The following RASSF3 variants were observed in gnomAD, a reference collection of about 807,000 sequenced individuals.
RASSF3 encodes the protein ras association domain-containing protein 3.
A neutral mutation model predicts 19.9 loss-of-function variants in RASSF3; 19 were observed. The observed-to-expected ratio is 0.96, with a 90% CI of 0.67 to 1.40. The LOEUF (loss-of-function observed/expected upper bound fraction) is 1.40, where lower values mean the gene tolerates loss of function less well. RASSF3 is among the 40% of genes most tolerant of loss of function. The probability of loss-of-function intolerance (pLI) is 0.00; values close to 1 mark genes in which losing one functional copy is unlikely to be tolerated. For synonymous variants in RASSF3, 110 were observed against 104.2 expected (o/e 1.06, Z -0.34); for missense variants, 306 against 289.8 (o/e 1.06, Z -0.41).
chr12:64,552,798 C>T (rs1869187375), intron 2 of RASSF3, among the ~76,000 whole-genome samples: 1 of 152,090 alleles, frequency 6.6e-6, no homozygotes, highest in Non-Finnish European at 1.5e-5. Context: ...TGGGTTGATT[C>T]TATCCTTATT....
intron 1 of RASSF3, among the ~76,000 whole-genome samples, chr12:64,535,274 C>T (rs7312168): frequency 0.33 from 50,013 of 151,536 alleles, 10,263 homozygotes; most frequent in East Asian, 0.66. Context: ...TGCAATCATG[C>T]CACTGCACTC....
intron 1 of RASSF3, among the ~76,000 whole-genome samples, chr12:64,516,942 T>TGA (rs1469579264): frequency 7.5e-6 from 1 of 133,838 alleles, no homozygotes. Context: ...GAGGTTGCAG[T>TGA]GAGTCTAAAT....
chr12:64,654,771 A>C (rs1872097762), intron 1 of RASSF3: 1 of 152,102 alleles, frequency 6.6e-6, no homozygotes, highest in Non-Finnish European at 1.5e-5. Context: ...AGGCCTTGGC[A>C]TGAGGATCCC....
intron 2 of RASSF3, among the ~76,000 whole-genome samples, chr12:64,553,398 T>C (rs554042031): frequency 9.2e-5 from 14 of 152,282 alleles, no homozygotes; most frequent in African/African-American, 3.1e-4. Context: ...AGTTTGCCAA[T>C]TGTGGTACTG....
chr12:64,681,842 A>G (rs1250746747), intron 1 of RASSF3, among the ~76,000 whole-genome samples: 2 of 152,148 alleles, frequency 1.3e-5, no homozygotes, highest in African/African-American at 4.8e-5. Flanking sequence ...GCCAGACGTC[A>G]TCTGTACAAA....
intron 2 of RASSF3, among the ~76,000 whole-genome samples, chr12:64,577,642 G>T (rs886716069): frequency 1.3e-5 from 2 of 152,152 alleles, no homozygotes; most frequent in Non-Finnish European, 2.9e-5. Flanking sequence ...TGAGGCACAA[G>T]AATCTCTTGA....
chr12:64,508,838 A>G (rs1868308660), intron 1 of RASSF3, among the ~76,000 whole-genome samples: 1 of 152,082 alleles, frequency 6.6e-6, no homozygotes, highest in Admixed American at 6.5e-5. Context: ...GTGAGCCGAG[A>G]TTGTGCGATT....
intron 1 of RASSF3, among the ~76,000 whole-genome samples, chr12:64,612,249 CTTTCA>C (rs2136154171): frequency 6.6e-6 from 1 of 152,150 alleles, no homozygotes; most frequent in Non-Finnish European, 1.5e-5. Flanking sequence ...GCATTTTCTC[CTTTCA>C]TTTATGTTGC....
At chr12:64,594,978 GACACACACACAGACACACAC>G (rs1357029830) in intron 2 of RASSF3, among the ~76,000 whole-genome samples, 1 of 148,242 alleles carries the variant, frequency 6.7e-6, no homozygotes, top group Non-Finnish European at 1.5e-5. Flanking sequence ...CAAAGACACA[GACACACACACAGACACACAC>G]ACACATGCAC....
intron 2 of RASSF3, among the ~76,000 whole-genome samples, chr12:64,588,089 C>CT (rs1456129811): frequency 3.3e-5 from 5 of 151,370 alleles, no homozygotes; most frequent in African/African-American, 4.8e-5. Flanking sequence ...CCCCCACAAC[C>CT]TTTTTTTTTG....
In RASSF3 at chr12:64,684,603, G is replaced by A. The variant is rs1212154278; in HGVS notation, c.112-184G>A. ...TGCGCCACCATGCCCAGCTAATTTC[G>A]TAATTTTAGTAGAGACAGGGTTTCT... On this transcript the variant is annotated intron_variant, in intron 1 of 4. Coordinates refer to ENST00000542104, the MANE Select transcript of RASSF3 (RefSeq NM_178169.4). Among the ~76,000 whole-genome samples the A allele has an allele frequency of 3.3e-5, 5 of 151,704 alleles. No homozygotes were observed. In the South Asian group the frequency reaches 6.2e-4, roughly 19 times the overall value.
At chr12:64,682,343 G>A (rs866114340) in intron 1 of RASSF3, among the ~76,000 whole-genome samples, 1 of 152,032 alleles carries the variant, frequency 6.6e-6, no homozygotes, top group Non-Finnish European at 1.5e-5. Flanking sequence ...AGGCCGAGGC[G>A]GGCGGATCAC....
chr12:64,660,469 G>A (rs535593320), intron 1 of RASSF3, among the ~76,000 whole-genome samples: 36 of 152,236 alleles, frequency 2.4e-4, no homozygotes, highest in African/African-American at 8.4e-4. Flanking sequence ...TTATGAGAAA[G>A]CTGCTGCTTG....
intron 2 of RASSF3, among the ~76,000 whole-genome samples, chr12:64,560,930 G>A (rs1402891598): frequency 1.3e-5 from 2 of 152,174 alleles, no homozygotes; most frequent in African/African-American, 4.8e-5. Context: ...GGTTGATGGG[G>A]CATCCTTGAG....
chr12:64,527,045 G>A (rs943388083), intron 1 of RASSF3, among the ~76,000 whole-genome samples: 7 of 152,212 alleles, frequency 4.6e-5, no homozygotes, highest in Admixed American at 3.9e-4. Flanking sequence ...TCCATGGACA[G>A]CTAAGTTGAT....
At chr12:64,512,095 G>T (rs1175749040) in intron 1 of RASSF3, among the ~76,000 whole-genome samples, 1 of 152,186 alleles carries the variant, frequency 6.6e-6, no homozygotes, top group Non-Finnish European at 1.5e-5. Context: ...CTCCAGCATT[G>T]TATGGCTTTC....
intron 1 of RASSF3, chr12:64,622,602 A>C (rs748910679): frequency 4.5e-6 from 2 of 446,924 alleles, no homozygotes; most frequent in Admixed American, 5.6e-5. Context: ...CCAACTTAAT[A>C]CTTTCAGGCT....
rs1873440612 is a variant in RASSF3 at position 64,688,352 on chromosome 12, A to C, written c.356A>C (p.Asn119Thr). 6.2e-7 allele frequency: 1 copy of C among 1,614,092 alleles called. No homozygotes were observed. The highest frequency in any genetic ancestry group is 1.3e-5 in the African/African-American group (1 of 74,922). Residue 119 changes from asparagine to threonine, a missense_variant, in exon 3 of 5, where the codon AAC becomes ACC. By Grantham distance (65) the Asn-to-Thr change is moderately conservative (BLOSUM62 0). Transcript: ENST00000542104. Reference sequence around the variant, plus strand: ...AATACACTTCATATCAGCAGCACAAACACTGTCGGGGAAGTGATCGAGGCC... The same window carrying C: ...AATACACTTCATATCAGCAGCACAACCACTGTCGGGGAAGTGATCGAGGCC... ...CMNTLHISST[N>T]TVGEVIEALL...
At chr12:64,641,419 C>T (rs371266354) in intron 1 of RASSF3, among the ~76,000 whole-genome samples, 423 of 150,776 alleles carry the variant, frequency 2.8e-3, no homozygotes, top group African/African-American at 4.3e-3. Flanking sequence ...CACACACGCG[C>T]GCGCGCGCGT....
Sources: allele counts gnomAD v4.1 joint callset (sites outside exome capture counted in the v4.1 genomes callset), GRCh38; gene constraint gnomAD v4.1.1; transcripts MANE v1.5; gene names NCBI Gene and HGNC (gene_info 2026-07-23, HGNC 2026-07-21).